The following ZBTB20 variants were observed in gnomAD, a reference collection of about 807,000 sequenced individuals.
ZBTB20 encodes the protein zinc finger and BTB domain containing 20, also known as zinc finger and BTB domain-containing protein 20.
ZBTB20 carries 9 observed loss-of-function variants against 56.9 expected under a neutral mutation model. The observed-to-expected ratio is 0.16, with a 90% CI of 0.10 to 0.28. The LOEUF (loss-of-function observed/expected upper bound fraction) is 0.28, where lower values mean the gene tolerates loss of function less well. ZBTB20 is among the 10% of genes least tolerant of loss of function. The probability of loss-of-function intolerance (pLI) is 1.00; values close to 1 mark genes in which losing one functional copy is unlikely to be tolerated. For synonymous variants in ZBTB20, 417 were observed against 420.7 expected, an observed-to-expected ratio of 0.99 and a Z score of 0.11; for missense variants, 655 against 1,003.0, an observed-to-expected ratio of 0.65 and a Z score of 4.69.
In ZBTB20 at chr3:115,147,124, C is replaced by G. The variant is rs1490596997; in HGVS notation, c.-703+95G>C. 2.0e-5 allele frequency: 3 copies of G among 147,088 alleles called. No individual in the cohort carries two copies. In the East Asian group the frequency reaches 6.2e-4, roughly 30 times the overall value. The allele number at this position is 147,088 out of a possible 1,614,324, so 9.1% of individuals were successfully genotyped here. A position where few individuals can be genotyped will look rare whatever the true frequency, so the allele number is the denominator to read the frequency against. On this transcript the variant is annotated intron_variant, in intron 1 of 11. Transcript: ENST00000675478. ...CTTCCCAGTCCCGCCGCCCCCCACT[C>G]CAGGCGCCTCGCAGACGCCTCATCC...
rs1052082937 is a variant in ZBTB20 at position 115,026,863 on chromosome 3, T to TA, written c.-507+44355dup. Among the ~76,000 whole-genome samples, 449 of 147,286 alleles carry TA rather than the reference T, an allele frequency of 3.0e-3. 3 individuals are homozygous for TA. Among genetic ancestry groups the TA allele is most frequent in the African/African-American group, 9.1e-3 (368 of 40,494 alleles). ...AGAATAAAAAGCAACAGTAACAATATAAAAAAAAAATCACCTGTTGTCAAC... is the reference window on the plus strand; with the variant it reads ...AGAATAAAAAGCAACAGTAACAATATAAAAAAAAAAATCACCTGTTGTCAAC... On this transcript the variant is annotated intron_variant, in intron 2 of 11. Coordinates refer to ENST00000675478, the MANE Select transcript of ZBTB20 (RefSeq NM_001348800.3).
At chr3:115,060,388 T>C (rs1344550507) in intron 2 of ZBTB20, among the ~76,000 whole-genome samples, 4 of 152,190 alleles carry the variant, frequency 2.6e-5, no homozygotes, top group Non-Finnish European at 4.4e-5. Flanking sequence ...TATTTCTTTA[T>C]ATGCAAACCC....
At chr3:114,680,638 C>T (rs1378918048) in intron 6 of ZBTB20, among the ~76,000 whole-genome samples, 1 of 152,278 alleles carries the variant, frequency 6.6e-6, no homozygotes, top group African/African-American at 2.4e-5. Flanking sequence ...ATCTTGTACG[C>T]TCATTGAATA....
At chr3:114,663,943 G>A (rs2060900303) in intron 6 of ZBTB20, among the ~76,000 whole-genome samples, 1 of 151,706 alleles carries the variant, frequency 6.6e-6, no homozygotes, top group Non-Finnish European at 1.5e-5. Flanking sequence ...AATAATGGGA[G>A]ACTTTAACAC....
At chr3:115,043,706 T>A (rs1275313965) in intron 2 of ZBTB20, among the ~76,000 whole-genome samples, 1 of 151,956 alleles carries the variant, frequency 6.6e-6, no homozygotes, top group East Asian at 1.9e-4. Flanking sequence ...TTTTGAGATA[T>A]AAAGTTTTAC....
intron 1 of ZBTB20, among the ~76,000 whole-genome samples, chr3:115,072,115 A>T (rs950951790): frequency 6.6e-6 from 1 of 152,170 alleles, no homozygotes; most frequent in Non-Finnish European, 1.5e-5. Flanking sequence ...CAATTCACCC[A>T]CATTTAAACA....
At chr3:115,057,839 A>C (rs1249526733) in intron 2 of ZBTB20, among the ~76,000 whole-genome samples, 1 of 152,186 alleles carries the variant, frequency 6.6e-6, no homozygotes, top group East Asian at 1.9e-4. Flanking sequence ...TGTCTATATT[A>C]GTCCGTTCTC....
Position 114,778,990 on chromosome 3 carries a change from C to T in ZBTB20, c.-343+22111G>A, listed in dbSNP as rs150456722. Among the ~76,000 whole-genome samples the T allele has an allele frequency of 1.8e-3, 272 of 152,308 alleles. 1 individual carries two copies. Among genetic ancestry groups the T allele is most frequent in the African/African-American group, 6.2e-3 (259 of 41,584 alleles). ...AGAAATTCTAATAGTTATCCCTATA[C>T]ACCTTCATTTCAATAAACATGAAAA... On this transcript the variant is annotated intron_variant, in intron 5 of 11. Coordinates refer to ENST00000675478, the MANE Select transcript of ZBTB20 (RefSeq NM_001348800.3).
chr3:114,669,007 T>C (rs2061213504), intron 6 of ZBTB20, among the ~76,000 whole-genome samples: 1 of 152,080 alleles, frequency 6.6e-6, no homozygotes, highest in African/African-American at 2.4e-5. Flanking sequence ...AACAAAACTG[T>C]AGTTGTGGTT....
intron 5 of ZBTB20, among the ~76,000 whole-genome samples, chr3:114,794,031 CA>C: frequency 6.6e-6 from 1 of 151,806 alleles, no homozygotes; most frequent in South Asian, 2.1e-4. Flanking sequence ...CTAAATGCAA[CA>C]GATTTAAAAA....
intron 6 of ZBTB20, among the ~76,000 whole-genome samples, chr3:114,672,114 T>A (rs2061389210): frequency 6.6e-6 from 1 of 152,116 alleles, no homozygotes; most frequent in Non-Finnish European, 1.5e-5. Flanking sequence ...AAAAATTAAT[T>A]CAAGAAAAAA....
intron 6 of ZBTB20, among the ~76,000 whole-genome samples, chr3:114,523,379 G>A (rs1471030757): frequency 3.9e-5 from 6 of 152,172 alleles, no homozygotes; most frequent in Non-Finnish European, 8.8e-5. Context: ...GTGACTATAC[G>A]CATTTCTTGA....
rs2078900506 is a variant in ZBTB20 at position 114,321,709 on chromosome 3, C to T, written c.*17296G>A. 1 of 152,096 alleles carries T rather than the reference C, an allele frequency of 6.6e-6. No homozygotes were observed. Among genetic ancestry groups the T allele is most frequent in the African/African-American group, 2.4e-5 (1 of 41,366 alleles). The allele number at this position is 152,096 out of a possible 1,614,324, so 9.4% of individuals were successfully genotyped here. A position where few individuals can be genotyped will look rare whatever the true frequency, so the allele number is the denominator to read the frequency against. ...AAATGGTATCTGTCAGAAAATACTG[C>T]TTTTGGTTTCTTTTAACTTTGAGCT... On this transcript the variant is annotated 3_prime_UTR_variant, in exon 12 of 12. Transcript: ENST00000675478.
intron 6 of ZBTB20, among the ~76,000 whole-genome samples, chr3:114,671,130 A>G (rs1228212527): frequency 6.6e-6 from 1 of 152,102 alleles, no homozygotes. Flanking sequence ...CATTATTTTT[A>G]CCATGTTTTA....
chr3:114,954,529 T>C (rs1312618858), intron 3 of ZBTB20, among the ~76,000 whole-genome samples: 2 of 152,038 alleles, frequency 1.3e-5, no homozygotes, highest in African/African-American at 4.8e-5. Flanking sequence ...ATATGCTAAA[T>C]AGGAAGTAAA....
At chr3:114,689,916 G>A (rs559039054) in intron 6 of ZBTB20, among the ~76,000 whole-genome samples, 21 of 152,094 alleles carry the variant, frequency 1.4e-4, no homozygotes, top group Admixed American at 4.6e-4. Flanking sequence ...CAAGCCATCC[G>A]ATATAGTTCT....
At chr3:114,740,797 A>C (rs2066515607) in intron 5 of ZBTB20, among the ~76,000 whole-genome samples, 1 of 152,062 alleles carries the variant, frequency 6.6e-6, no homozygotes, top group Admixed American at 6.6e-5. Flanking sequence ...CCAAATGAAA[A>C]CTCCCATAAT....
chr3:114,810,048 T>G (rs2072404433), intron 4 of ZBTB20, among the ~76,000 whole-genome samples: 1 of 152,164 alleles, frequency 6.6e-6, no homozygotes, highest in Non-Finnish European at 1.5e-5. Context: ...CTTAAACACC[T>G]AGGGCCACTA....
At chr3:115,110,625 A>G (rs1484573901) in intron 1 of ZBTB20, among the ~76,000 whole-genome samples, 1 of 152,224 alleles carries the variant, frequency 6.6e-6, no homozygotes, top group Non-Finnish European at 1.5e-5. Flanking sequence ...TATATTGGGT[A>G]TTTCAAAATT....
Sources: gnomAD v4.1 joint callset for allele counts (sites outside exome capture counted in the v4.1 genomes callset) on GRCh38, gnomAD v4.1.1 for gene constraint, MANE v1.5 for transcripts, NCBI Gene and HGNC (gene_info 2026-07-23, HGNC 2026-07-21) for gene names.